HS3ST4: variants seen among roughly 807,000 people sequenced by gnomAD.
The protein encoded by HS3ST4 is heparan sulfate glucosamine 3-O-sulfotransferase 4.
In HS3ST4, 17 loss-of-function variants were observed where a neutral mutation model predicts 29.2. That is an observed-to-expected ratio of 0.58 (90% confidence interval 0.40 to 0.87). The LOEUF is 0.87. HS3ST4 is among the 40% of genes least tolerant of loss of function. The pLI is 0.00. For missense variants in HS3ST4, 627 were observed against 634.5 expected (o/e 0.99, Z 0.13); for synonymous variants, 314 against 285.7 (o/e 1.10, Z -1.00).
chr16:25,693,803 C>T (rs1018055318), intron 1 of HS3ST4, among the ~76,000 whole-genome samples: 1 of 152,160 alleles, frequency 6.6e-6, no homozygotes, highest in Middle Eastern at 3.2e-3. Flanking sequence ...AGTTGGTGCC[C>T]TGAGAGTTTT....
At chr16:25,938,717 T>C (rs1222318572) in intron 1 of HS3ST4, among the ~76,000 whole-genome samples, 1 of 152,118 alleles carries the variant, frequency 6.6e-6, no homozygotes, top group Non-Finnish European at 1.5e-5. Context: ...CTGCCTCCAT[T>C]TTCCATGTCC....
At chr16:26,026,911 T>C (rs984150619) in intron 1 of HS3ST4, among the ~76,000 whole-genome samples, 2 of 152,170 alleles carry the variant, frequency 1.3e-5, no homozygotes, top group Admixed American at 6.5e-5. Flanking sequence ...AAATGATAAA[T>C]GCTAAACCTT....
At position 26,038,377 on chromosome 16, in the gene HS3ST4, T is replaced by A. The variant is rs146211516; in HGVS notation, c.735-97235T>A. On this transcript the variant is annotated intron_variant, in intron 1 of 1. Transcript: ENST00000331351. ...ATCACACGGTGCATTTACTTGTTGA[T>A]TTGTATACTGCCTATCTAGACAGAC... Among the ~76,000 whole-genome samples, 79 of 152,272 alleles carry A rather than the reference T, an allele frequency of 5.2e-4. 4 individuals are homozygous for A. In the East Asian group the frequency reaches 0.013, roughly 25 times the overall value.
At chr16:25,880,886 G>A (rs1967887932) in intron 1 of HS3ST4, among the ~76,000 whole-genome samples, 1 of 152,158 alleles carries the variant, frequency 6.6e-6, no homozygotes, top group Non-Finnish European at 1.5e-5. Flanking sequence ...TAGACTTTGG[G>A]GTAGTTCAGT....
intron 1 of HS3ST4, among the ~76,000 whole-genome samples, chr16:25,712,869 G>T (rs2141585685): frequency 6.6e-6 from 1 of 152,234 alleles, no homozygotes; most frequent in East Asian, 1.9e-4. Flanking sequence ...CTGGAAGCTG[G>T]AAGTCTGAGA....
At chr16:25,968,360 C>T (rs960801684) in intron 1 of HS3ST4, among the ~76,000 whole-genome samples, 1 of 152,180 alleles carries the variant, frequency 6.6e-6, no homozygotes, top group Non-Finnish European at 1.5e-5. Context: ...ATCAGGACCT[C>T]TGGAAACCCA....
chr16:25,776,584 C>T (rs148231914), intron 1 of HS3ST4, among the ~76,000 whole-genome samples: 8 of 152,268 alleles, frequency 5.3e-5, no homozygotes, highest in East Asian at 1.9e-4. Flanking sequence ...GTCACGGGTG[C>T]GCATCCTCAA....
intron 1 of HS3ST4, among the ~76,000 whole-genome samples, chr16:26,078,423 C>T (rs957199504): frequency 9.2e-5 from 14 of 152,182 alleles, no homozygotes; most frequent in African/African-American, 3.4e-4. Flanking sequence ...GCTGGGATTA[C>T]AGGCGTGAGC....
intron 1 of HS3ST4, among the ~76,000 whole-genome samples, chr16:25,993,954 G>C (rs1425857731): frequency 3.5e-4 from 6 of 17,064 alleles, no homozygotes; most frequent in Non-Finnish European, 7.7e-4. Context: ...AACCTCGTGT[G>C]TGTGTGTGTG....
chr16:25,758,542 A>C (rs1966770843), intron 1 of HS3ST4, among the ~76,000 whole-genome samples: 1 of 152,104 alleles, frequency 6.6e-6, no homozygotes, highest in African/African-American at 2.4e-5. Flanking sequence ...ATTTATCTGA[A>C]CTTCAGAAAT....
intron 1 of HS3ST4, among the ~76,000 whole-genome samples, chr16:25,815,894 T>C (rs1156580937): frequency 6.6e-6 from 1 of 152,232 alleles, no homozygotes. Context: ...TGATTTTCAA[T>C]ATCCATTTGG....
chr16:25,941,195 C>T (rs528711893), intron 1 of HS3ST4, among the ~76,000 whole-genome samples: 73 of 152,174 alleles, frequency 4.8e-4, no homozygotes, highest in African/African-American at 1.7e-3. Context: ...GACGGAGTTT[C>T]GCCCTTGTTT....
chr16:25,850,473 C>A (rs150614338), intron 1 of HS3ST4, among the ~76,000 whole-genome samples: 97 of 152,282 alleles, frequency 6.4e-4, no homozygotes, highest in African/African-American at 2.3e-3. Flanking sequence ...TAAGCATATT[C>A]TTCCCCTCTA....
At chr16:25,998,909 A>G (rs946105806) in intron 1 of HS3ST4, among the ~76,000 whole-genome samples, 22 of 152,222 alleles carry the variant, frequency 1.4e-4, no homozygotes, top group African/African-American at 4.6e-4. Context: ...AGAATGCCAT[A>G]TAACAGGTTA....
chr16:26,058,414 G>A (rs1244032333), intron 1 of HS3ST4, among the ~76,000 whole-genome samples: 2 of 152,140 alleles, frequency 1.3e-5, no homozygotes, highest in Non-Finnish European at 2.9e-5. Flanking sequence ...TTTGGGGCAG[G>A]GCAGCAACAC....
chr16:25,843,625 A>G (rs556298754), intron 1 of HS3ST4, among the ~76,000 whole-genome samples: 1 of 152,334 alleles, frequency 6.6e-6, no homozygotes, highest in East Asian at 1.9e-4. Flanking sequence ...ACCAACTACC[A>G]AGGGAACTCA....
At chr16:26,000,368 A>AAT (rs1969202200) in intron 1 of HS3ST4, among the ~76,000 whole-genome samples, 1 of 152,150 alleles carries the variant, frequency 6.6e-6, no homozygotes, top group Non-Finnish European at 1.5e-5. Context: ...CACAGATTCA[A>AAT]ATATATATGC....
At chr16:25,744,054 C>G (rs1966671048) in intron 1 of HS3ST4, among the ~76,000 whole-genome samples, 1 of 152,198 alleles carries the variant, frequency 6.6e-6, no homozygotes. Flanking sequence ...TATCAGCATT[C>G]TTCTTCAAAT....
chr16:25,942,660 C>T (rs1440548721), intron 1 of HS3ST4, among the ~76,000 whole-genome samples: 1 of 151,084 alleles, frequency 6.6e-6, no homozygotes, highest in Non-Finnish European at 1.5e-5. Flanking sequence ...TCTCTGTTGC[C>T]CAGGCTGGAG....
Sources: allele counts gnomAD v4.1 joint callset (sites outside exome capture counted in the v4.1 genomes callset), GRCh38; gene constraint gnomAD v4.1.1; transcripts MANE v1.5; gene names NCBI Gene and HGNC (gene_info 2026-07-23, HGNC 2026-07-21).